CCR5AS: variants seen among roughly 807,000 people sequenced by gnomAD.
CCR5AS encodes the protein CCR5 antisense RNA.
intron 2 of CCR5AS, among the ~76,000 whole-genome samples, chr3:46,381,031 C>T (rs1369409436): frequency 6.6e-6 from 1 of 152,170 alleles, no homozygotes; most frequent in Non-Finnish European, 1.5e-5. Context: ...TGAATCTAGA[C>T]TTCATTGGCA....
rs549295144 is a variant in CCR5AS, at chr3:46,379,268, G to A, written n.392-7851C>T. On this transcript the variant is annotated intron_variant and non_coding_transcript_variant, in intron 2 of 3. Transcript: ENST00000451485. ...TTCCCACCTATGAGTGAGAATATGC[G>A]GTGTTTGGTTTTTTGTTCTTGCGAT... Among the ~76,000 whole-genome samples the A allele has an allele frequency of 4.8e-5, 7 of 146,194 alleles. No individual in the cohort carries two copies. In the East Asian group the frequency reaches 1.2e-3, roughly 25 times the overall value.
chr3:46,396,702 C>CAATTCCT (rs1316405290), intron 1 of CCR5AS, among the ~76,000 whole-genome samples: 1 of 152,190 alleles, frequency 6.6e-6, no homozygotes, highest in Admixed American at 6.5e-5. Flanking sequence ...GCCCTCCCCT[C>CAATTCCT]AATTCCTAAT....
chr3:46,369,440 CG>C (rs1701633037), intron 3 of CCR5AS, among the ~76,000 whole-genome samples: 1 of 45,102 alleles, frequency 2.2e-5, no homozygotes, highest in Admixed American at 2.0e-4. Flanking sequence ...CTATATGGGG[CG>C]GGGGTGGGGG....
At chr3:46,387,938 A>T (rs886808530) in intron 2 of CCR5AS, among the ~76,000 whole-genome samples, 33 of 152,142 alleles carry the variant, frequency 2.2e-4, no homozygotes, top group Non-Finnish European at 4.4e-4. Flanking sequence ...AGGAGAAGGA[A>T]TGTCACAAGG....
rs371813238 is a variant in CCR5AS, at chr3:46,373,847, C to T, written n.392-2430G>A. 2.5e-6 allele frequency: 4 copies of T among 1,613,964 alleles called. No individual in the cohort carries two copies. In the African/African-American group the frequency reaches 4.0e-5, roughly 16 times the overall value. On this transcript the variant is annotated intron_variant and non_coding_transcript_variant, in intron 2 of 3. Coordinates refer to ENST00000451485, the Ensembl canonical transcript of CCR5AS. The stretch of plus-strand genomic sequence containing the variant: ...ACCTCTTAGTCTTCTTCCAAAAGCA[C>T]ATTGCCAAACGCTTCTGCAAATGCT...
intron 2 of CCR5AS, among the ~76,000 whole-genome samples, chr3:46,371,690 C>T (rs189663620): frequency 6.6e-6 from 1 of 152,322 alleles, no homozygotes; most frequent in Non-Finnish European, 1.5e-5. Context: ...GAATGCATGA[C>T]ATTCATCTGT....
At chr3:46,399,370 G>A (rs1207555857) in intron 1 of CCR5AS, among the ~76,000 whole-genome samples, 1 of 152,118 alleles carries the variant, frequency 6.6e-6, no homozygotes, top group Non-Finnish European at 1.5e-5. Flanking sequence ...GAATGGTGGG[G>A]GCAGAAGCCA....
At chr3:46,365,415 G>A (rs1031151474) in intron 3 of CCR5AS, among the ~76,000 whole-genome samples, 1 of 152,152 alleles carries the variant, frequency 6.6e-6, no homozygotes, top group Non-Finnish European at 1.5e-5. Context: ...TTTAATTAAG[G>A]TATGCACATT....
intron 2 of CCR5AS, among the ~76,000 whole-genome samples, chr3:46,392,073 G>A (rs1472564241): frequency 6.6e-6 from 1 of 152,222 alleles, no homozygotes; most frequent in African/African-American, 2.4e-5. Context: ...AATCGAAAGT[G>A]TCATTCTCTG....
At chr3:46,379,904 A>ATAAG (rs1257524111) in intron 2 of CCR5AS, among the ~76,000 whole-genome samples, 3 of 43,466 alleles carry the variant, frequency 6.9e-5, no homozygotes, top group African/African-American at 2.6e-4. Flanking sequence ...CTCAAAATAA[A>ATAAG]TAAATAAATA....
intron 2 of CCR5AS, among the ~76,000 whole-genome samples, chr3:46,378,944 T>G (rs1575282218): frequency 6.6e-6 from 1 of 152,132 alleles, no homozygotes. Flanking sequence ...GTATATCTGA[T>G]GATTGTGGGT....
chr3:46,387,610 G>T (rs1412211087), intron 2 of CCR5AS, among the ~76,000 whole-genome samples: 3 of 152,186 alleles, frequency 2.0e-5, no homozygotes, highest in Non-Finnish European at 2.9e-5. Flanking sequence ...TTAACTGGGG[G>T]TGGTGGTGTG....
intron 2 of CCR5AS, among the ~76,000 whole-genome samples, chr3:46,390,051 A>G (rs372179498): frequency 2.0e-4 from 30 of 152,298 alleles, no homozygotes; most frequent in African/African-American, 6.7e-4. Flanking sequence ...TCATCAACAT[A>G]TTGAATAAGG....
intron 2 of CCR5AS, among the ~76,000 whole-genome samples, chr3:46,386,495 G>C (rs1451740066): frequency 6.6e-6 from 1 of 152,156 alleles, no homozygotes; most frequent in Non-Finnish European, 1.5e-5. Flanking sequence ...GACCAGGCCT[G>C]GACTATGGCA....
intron 3 of CCR5AS, among the ~76,000 whole-genome samples, chr3:46,369,194 GT>G (rs1701630866): frequency 1.3e-5 from 2 of 152,034 alleles, no homozygotes; most frequent in Non-Finnish European, 2.9e-5. Flanking sequence ...TTGTATTTGG[GT>G]TTTTTTAAAA....
chr3:46,373,931 T>G, intron 2 of CCR5AS: 1 of 1,580,456 alleles, frequency 6.3e-7, no homozygotes, highest in Non-Finnish European at 8.6e-7. Flanking sequence ...CCCGATCCAC[T>G]GGGGAGCAGG....
intron 2 of CCR5AS, among the ~76,000 whole-genome samples, chr3:46,379,171 C>A (rs1162414529): frequency 2.6e-5 from 3 of 115,156 alleles, no homozygotes; most frequent in African/African-American, 9.6e-5. Flanking sequence ...TCCCTCCCCC[C>A]TCCCCCCACC....
At chr3:46,399,399 A>G (rs1301367784) in intron 1 of CCR5AS, among the ~76,000 whole-genome samples, 1 of 152,136 alleles carries the variant, frequency 6.6e-6, no homozygotes, top group African/African-American at 2.4e-5. Context: ...GGTGTAGAGT[A>G]GGGAATGAGC....
intron 1 of CCR5AS, among the ~76,000 whole-genome samples, chr3:46,405,871 CCTT>C (rs772197572): frequency 3.6e-4 from 54 of 151,920 alleles, no homozygotes; most frequent in African/African-American, 1.2e-3. Context: ...CCCTCCTCCT[CCTT>C]CTTCTTTTTT....
Sources: allele counts gnomAD v4.1 joint callset (sites outside exome capture counted in the v4.1 genomes callset), GRCh38; gene constraint gnomAD v4.1.1; transcripts MANE v1.5; gene names NCBI Gene and HGNC (gene_info 2026-07-23, HGNC 2026-07-21).